The following TTC27 variants were observed in gnomAD, a reference collection of about 807,000 sequenced individuals.
TTC27 encodes tetratricopeptide repeat domain 27.
TTC27 carries 79 observed loss-of-function variants against 115.9 expected under a neutral mutation model. That is an observed-to-expected ratio of 0.68 (90% CI 0.57 to 0.82). TTC27 has a LOEUF of 0.82. TTC27 is among the 40% of genes least tolerant of loss of function. The probability of loss-of-function intolerance (pLI) is 0.00; values close to 1 mark genes in which losing one functional copy is unlikely to be tolerated. For synonymous variants in TTC27, 401 were observed against 356.0 expected (o/e 1.13, Z -1.42); for missense variants, 1,054 against 993.1 (o/e 1.06, Z -0.82).
At chr2:32,682,844 G>GTT (rs142030247) in intron 9 of TTC27, among the ~76,000 whole-genome samples, 15,327 of 55,872 alleles carry the variant, frequency 0.27, 4,454 homozygotes, top group Non-Finnish European at 0.34. Context: ...AATTTTTATT[G>GTT]TTGTTTTTTT....
chr2:32,691,078 G>T (rs1012325210), intron 9 of TTC27, among the ~76,000 whole-genome samples: 1 of 152,168 alleles, frequency 6.6e-6, no homozygotes, highest in Non-Finnish European at 1.5e-5. Flanking sequence ...AGGGATCCTA[G>T]TGACCTTTGG....
At chr2:32,677,186 T>C (rs1375089395) in intron 8 of TTC27, among the ~76,000 whole-genome samples, 1 of 152,200 alleles carries the variant, frequency 6.6e-6, no homozygotes, top group African/African-American at 2.4e-5. Flanking sequence ...CTCTCATTAT[T>C]GTATTCCTGT....
intron 9 of TTC27, among the ~76,000 whole-genome samples, chr2:32,688,737 A>G (rs1456890167): frequency 1.3e-5 from 2 of 152,262 alleles, no homozygotes; most frequent in Non-Finnish European, 2.9e-5. Context: ...GAAAAGACTT[A>G]CATAACACTT....
chr2:32,777,879 C>A lies in TTC27; in HGVS notation c.1681-3C>A, dbSNP rs756179404. On this transcript the variant is annotated splice_region_variant and splice_polypyrimidine_tract_variant and intron_variant, in intron 13 of 19. Coordinates refer to ENST00000317907, the MANE Select transcript of TTC27 (RefSeq NM_017735.5). Reference sequence around the variant, plus strand: ...GAATGACTTTGACTTTTGGTCTTTGCAGCTCGGGGTGTGGTTTTCTCTCGG... The same window carrying A: ...GAATGACTTTGACTTTTGGTCTTTGAAGCTCGGGGTGTGGTTTTCTCTCGG... 12 of 1,612,942 alleles carry A rather than the reference C, an allele frequency of 7.4e-6. No homozygotes were observed. The highest frequency in any genetic ancestry group is 1.3e-5 in the African/African-American group (1 of 74,664).
intron 16 of TTC27, among the ~76,000 whole-genome samples, chr2:32,797,837 G>A (rs1049612109): frequency 1.3e-5 from 2 of 152,074 alleles, no homozygotes; most frequent in Non-Finnish European, 2.9e-5. Context: ...TCACAGAATG[G>A]AAGAAAATAT....
intron 12 of TTC27, among the ~76,000 whole-genome samples, chr2:32,757,773 A>G (rs1338662500): frequency 6.6e-6 from 1 of 151,868 alleles, no homozygotes; most frequent in Admixed American, 6.5e-5. Flanking sequence ...GCTCACTGCA[A>G]CCTCCACCTC....
chr2:32,759,232 T>G (rs1669351215), intron 13 of TTC27, among the ~76,000 whole-genome samples: 1 of 152,236 alleles, frequency 6.6e-6, no homozygotes, highest in South Asian at 2.1e-4. Context: ...CATATAACTG[T>G]CAATCATTGC....
intron 10 of TTC27, among the ~76,000 whole-genome samples, chr2:32,712,308 T>C (rs1667607028): frequency 2.6e-5 from 4 of 152,242 alleles, no homozygotes; most frequent in Admixed American, 2.6e-4. Flanking sequence ...CACCCTGTCT[T>C]CTGAAATTAT....
At chr2:32,651,982 T>A (rs1167930448) in intron 5 of TTC27, among the ~76,000 whole-genome samples, 2 of 152,176 alleles carry the variant, frequency 1.3e-5, no homozygotes, top group African/African-American at 4.8e-5. Flanking sequence ...GATGTGAGCA[T>A]AAACATTGTA....
chr2:32,717,139 A>C (rs1268386446), intron 10 of TTC27, among the ~76,000 whole-genome samples: 1 of 151,388 alleles, frequency 6.6e-6, no homozygotes, highest in Non-Finnish European at 1.5e-5. Context: ...ACGCCCAACT[A>C]ATTTGTAATA....
chr2:32,800,889 A>G (rs1182046959), intron 16 of TTC27, among the ~76,000 whole-genome samples: 1 of 152,198 alleles, frequency 6.6e-6, no homozygotes, highest in East Asian at 1.9e-4. Flanking sequence ...AGTATGGCAA[A>G]TATTTTTATT....
At chr2:32,739,088 TTAAA>T (rs1324951454) in intron 12 of TTC27, among the ~76,000 whole-genome samples, 2 of 152,232 alleles carry the variant, frequency 1.3e-5, no homozygotes, top group Non-Finnish European at 2.9e-5. Context: ...CTTCAGCGAC[TTAAA>T]TATCTTTTTA....
chr2:32,801,283 G>A (rs1257198884), intron 16 of TTC27, among the ~76,000 whole-genome samples: 1 of 152,322 alleles, frequency 6.6e-6, no homozygotes, highest in East Asian at 1.9e-4. Context: ...GAGTTCTAGA[G>A]ACCAGAAGTC....
intron 16 of TTC27, among the ~76,000 whole-genome samples, chr2:32,801,754 G>A (rs1048962218): frequency 4.6e-5 from 7 of 152,118 alleles, no homozygotes. Flanking sequence ...GTTACACCAA[G>A]GGAAGACCAG....
intron 13 of TTC27, chr2:32,766,384 T>G (rs1054477858): frequency 6.1e-5 from 15 of 245,888 alleles, no homozygotes; most frequent in Admixed American, 1.3e-4. Context: ...TAAAGTAGGG[T>G]ATGTGTGACT....
chr2:32,686,886 C>G lies in TTC27; in HGVS notation c.1119+7964C>G, dbSNP rs1327247679. ...GTGAGATGGAGTCTCACTCTGTCAC[C>G]CAGGCTGGAGTGCAATGGCACAATC... On this transcript the variant is annotated intron_variant, in intron 9 of 19. Transcript: ENST00000317907. Among the ~76,000 whole-genome samples the G allele has an allele frequency of 2.6e-5, 4 of 151,946 alleles. No homozygotes were observed. The South Asian group carries it at 8.3e-4, about 32-fold the overall frequency.
chr2:32,675,705 C>T (rs1666172752), intron 8 of TTC27, among the ~76,000 whole-genome samples: 1 of 151,822 alleles, frequency 6.6e-6, no homozygotes, highest in Non-Finnish European at 1.5e-5. Flanking sequence ...TCCCTGTGGT[C>T]GCTAACCCCC....
intron 16 of TTC27, among the ~76,000 whole-genome samples, chr2:32,803,130 C>G (rs1558352226): frequency 6.6e-6 from 1 of 152,238 alleles, no homozygotes; most frequent in Non-Finnish European, 1.5e-5. Context: ...TGCCACCTCC[C>G]ACCATCACCA....
At chr2:32,782,966 G>T (rs748379769) in intron 15 of TTC27, among the ~76,000 whole-genome samples, 2 of 151,968 alleles carry the variant, frequency 1.3e-5, no homozygotes, top group Non-Finnish European at 2.9e-5. Flanking sequence ...CATGATAAAA[G>T]CAAACATATG....
Sources: allele counts gnomAD v4.1 joint callset (sites outside exome capture counted in the v4.1 genomes callset), GRCh38; gene constraint gnomAD v4.1.1; transcripts MANE v1.5; gene names NCBI Gene and HGNC (gene_info 2026-07-23, HGNC 2026-07-21).